The following NXPH2 variants were observed in gnomAD, a reference collection of about 807,000 sequenced individuals.
NXPH2 encodes the protein neurexophilin-2.
In NXPH2, 5 loss-of-function variants were observed where a neutral mutation model predicts 19.8. That is an observed-to-expected ratio of 0.25 (90% CI 0.13 to 0.53). The LOEUF (loss-of-function observed/expected upper bound fraction) is 0.53. Among genes scored for constraint, NXPH2 ranks in the 20% least tolerant of loss-of-function variants. The pLI is 0.96. For missense variants in NXPH2, 289 were observed against 322.8 expected (o/e 0.90, Z 0.80); for synonymous variants, 154 against 127.4 (o/e 1.21, Z -1.41).
chr2:138,682,657 C>T (rs910127416), intron 1 of NXPH2, among the ~76,000 whole-genome samples: 1 of 152,148 alleles, frequency 6.6e-6, no homozygotes, highest in Non-Finnish European at 1.5e-5. Context: ...TTAATAGCTA[C>T]CCTTTACGTT....
chr2:138,700,713 C>A (rs1680907747), intron 1 of NXPH2, among the ~76,000 whole-genome samples: 1 of 151,994 alleles, frequency 6.6e-6, no homozygotes, highest in East Asian at 1.9e-4. Context: ...TGCTGACCAT[C>A]CGTCTGTTGG....
chr2:138,763,330 A>C (rs181533545), intron 1 of NXPH2, among the ~76,000 whole-genome samples: 34 of 152,298 alleles, frequency 2.2e-4, no homozygotes, highest in African/African-American at 7.7e-4. Context: ...ATATTTTTCT[A>C]TCAAAGAACT....
chr2:138,747,844 A>G (rs1171948532), intron 1 of NXPH2, among the ~76,000 whole-genome samples: 2 of 152,174 alleles, frequency 1.3e-5, no homozygotes, highest in African/African-American at 4.8e-5. Flanking sequence ...GAATTTGTCT[A>G]CGCTGCCTCC....
intron 1 of NXPH2, among the ~76,000 whole-genome samples, chr2:138,728,404 T>G (rs1681391670): frequency 6.6e-6 from 1 of 152,230 alleles, no homozygotes; most frequent in African/African-American, 2.4e-5. Flanking sequence ...CCTAGAAGAC[T>G]AATATAATTT....
rs1201995805 is a variant in NXPH2 at position 138,780,326 on chromosome 2, C to T, written c.-85G>A. Reference sequence around the variant, plus strand: ...CCACTTCGCGGGGCAGGACTGAGGACGCCAGGGACACAGCGCGGCGCTTCC... The same window carrying T: ...CCACTTCGCGGGGCAGGACTGAGGATGCCAGGGACACAGCGCGGCGCTTCC... On this transcript the variant is annotated 5_prime_UTR_variant, in exon 1 of 2. Coordinates refer to ENST00000272641, the MANE Select transcript of NXPH2 (RefSeq NM_007226.3). The T allele has an allele frequency of 1.8e-6, 2 of 1,137,710 alleles. No homozygotes were observed. Among genetic ancestry groups the T allele is most frequent in the East Asian group, 3.3e-5 (1 of 30,386 alleles). The allele number at this position is 1,137,710 out of a possible 1,614,324, so 70.5% of individuals were successfully genotyped here.
intron 1 of NXPH2, among the ~76,000 whole-genome samples, chr2:138,745,825 G>A (rs1351830712): frequency 6.6e-6 from 1 of 151,738 alleles, no homozygotes; most frequent in Non-Finnish European, 1.5e-5. Context: ...TATAGGGTGG[G>A]GGGAAGAAGC....
At position 138,750,097 on chromosome 2, in the gene NXPH2, A is replaced by G. The variant is rs538301666; in HGVS notation, c.51+30094T>C. Among the ~76,000 whole-genome samples, 3 of 152,314 alleles carry G rather than the reference A, an allele frequency of 2.0e-5. No homozygotes were observed. In the East Asian group the frequency reaches 5.8e-4, roughly 29 times the overall value. Reference sequence around the variant, plus strand: ...AAAATACACAAGGGATACATACACGATGATGTTCAGGGTGACAGGAGGCTT... The same window carrying G: ...AAAATACACAAGGGATACATACACGGTGATGTTCAGGGTGACAGGAGGCTT... On this transcript the variant is annotated intron_variant, in intron 1 of 1. Transcript: ENST00000272641.
chr2:138,780,238 G>T lies in NXPH2; in HGVS notation c.4C>A (p.Arg2Ser), dbSNP rs1448749401. The change falls in exon 1 of 2, where the codon CGC becomes AGC. Residue 2 changes from arginine (R) to serine (S), a missense_variant. Physicochemically the swap from Arg to Ser is moderately radical, Grantham distance 110. Coordinates refer to ENST00000272641, the MANE Select transcript of NXPH2 (RefSeq NM_007226.3). ...ACCACGAGGGGCAGCGGCCGCAGGCGCATGGTGCCGGCTGGCGCGGCTTTT... is the reference window on the plus strand; with the variant it reads ...ACCACGAGGGGCAGCGGCCGCAGGCTCATGGTGCCGGCTGGCGCGGCTTTT... Reference protein sequence around the residue: MRLRPLPLVVVP... With the variant: MSLRPLPLVVVP... 2 of 1,452,296 alleles carry T rather than the reference G, an allele frequency of 1.4e-6. No homozygotes were observed. The highest frequency in any genetic ancestry group is 2.9e-5 in the East Asian group (1 of 34,314). 90.0% of individuals were successfully genotyped at this position (1,452,296 alleles called of 1,614,324 possible).
intron 1 of NXPH2, among the ~76,000 whole-genome samples, chr2:138,753,116 T>A (rs1681850246): frequency 2.6e-5 from 4 of 152,200 alleles, no homozygotes; most frequent in Admixed American, 2.6e-4. Context: ...GAAGTATCTA[T>A]ATAAACCATT....
chr2:138,691,095 C>T (rs1680738551), intron 1 of NXPH2, among the ~76,000 whole-genome samples: 1 of 152,154 alleles, frequency 6.6e-6, no homozygotes, highest in Non-Finnish European at 1.5e-5. Context: ...TTGCATGAGG[C>T]TAGTGTGGAG....
rs191641723 is a variant in NXPH2 at position 138,681,948 on chromosome 2, G to A, written c.52-10283C>T. ...TTAAGCCAAGAACCCCAAAGTGACC[G>A]CTATTATACAATCTAGAGGTGGCTT... On this transcript the variant is annotated intron_variant, in intron 1 of 1. Transcript: ENST00000272641. Among the ~76,000 whole-genome samples, 443 of 152,208 alleles carry A rather than the reference G, an allele frequency of 2.9e-3. 1 individual carries two copies. Among genetic ancestry groups the A allele is most frequent in the Non-Finnish European group, 5.1e-3 (349 of 68,004 alleles).
chr2:138,721,741 C>A (rs939443121), intron 1 of NXPH2, among the ~76,000 whole-genome samples: 2 of 152,184 alleles, frequency 1.3e-5, no homozygotes, highest in African/African-American at 4.8e-5. Flanking sequence ...CTCAGCCTCG[C>A]TTTCTTACCT....
chr2:138,692,619 T>C (rs1680762029), intron 1 of NXPH2, among the ~76,000 whole-genome samples: 1 of 152,204 alleles, frequency 6.6e-6, no homozygotes, highest in South Asian at 2.1e-4. Context: ...AATTAATAAT[T>C]GTTAGTTTTA....
Position 138,745,241 on chromosome 2 carries a change from G to A in NXPH2, c.51+34950C>T, listed in dbSNP as rs571749387. Among the ~76,000 whole-genome samples the A allele has an allele frequency of 2.0e-5, 3 of 152,260 alleles. No homozygotes were observed. In the South Asian group the frequency reaches 6.2e-4, roughly 32 times the overall value. ...AGAGTGAGGGCCATTCCCTGAAACAGGATCAATAGGTTGTAGGATTTGAAC... is the reference window on the plus strand; with the variant it reads ...AGAGTGAGGGCCATTCCCTGAAACAAGATCAATAGGTTGTAGGATTTGAAC... On this transcript the variant is annotated intron_variant, in intron 1 of 1. Transcript: ENST00000272641.
At chr2:138,726,866 A>G (rs4128393) in intron 1 of NXPH2, among the ~76,000 whole-genome samples, 32,456 of 152,148 alleles carry the variant, frequency 0.21, 4,042 homozygotes, top group East Asian at 0.53. Flanking sequence ...TTGGACAAAC[A>G]TGTAGTAACA....
chr2:138,779,006 C>T (rs1462668747), intron 1 of NXPH2, among the ~76,000 whole-genome samples: 1 of 152,250 alleles, frequency 6.6e-6, no homozygotes, highest in Non-Finnish European at 1.5e-5. Context: ...CTTCCACCCT[C>T]AGAACTTGCA....
At chr2:138,774,065 T>C (rs1682220197) in intron 1 of NXPH2, among the ~76,000 whole-genome samples, 1 of 152,244 alleles carries the variant, frequency 6.6e-6, no homozygotes, top group Non-Finnish European at 1.5e-5. Context: ...GACTGTATTC[T>C]ATTCAGGCAC....
intron 1 of NXPH2, among the ~76,000 whole-genome samples, chr2:138,772,053 G>T (rs947800934): frequency 6.6e-6 from 1 of 152,108 alleles, no homozygotes; most frequent in Non-Finnish European, 1.5e-5. Context: ...TCACCCACCT[G>T]CTTGTCCTCA....
intron 1 of NXPH2, among the ~76,000 whole-genome samples, chr2:138,694,017 T>C (rs544668602): frequency 2.0e-5 from 3 of 152,092 alleles, no homozygotes; most frequent in Admixed American, 6.6e-5. Flanking sequence ...TAAAGAAAAA[T>C]GAAACTTAAC....
Sources: gnomAD v4.1 joint callset for allele counts (sites outside exome capture counted in the v4.1 genomes callset) on GRCh38, gnomAD v4.1.1 for gene constraint, MANE v1.5 for transcripts, NCBI Gene and HGNC (gene_info 2026-07-23, HGNC 2026-07-21) for gene names.